NFIX: variants seen among roughly 807,000 people sequenced by gnomAD.
NFIX encodes the protein nuclear factor 1 X-type.
A neutral mutation model predicts 53.3 loss-of-function variants in NFIX; 2 were observed. That is an observed-to-expected ratio of 0.04 (90% confidence interval 0.02 to 0.12). The LOEUF is 0.12. Ranked by LOEUF, NFIX falls within the 10% of genes least tolerant of loss-of-function variation. The pLI, the probability that NFIX is intolerant of heterozygous loss-of-function variation, is 1.00. For synonymous variants in NFIX, 244 were observed against 289.0 expected (o/e 0.84, Z 1.58); for missense variants, 310 against 674.5 (o/e 0.46, Z 5.99).
intron 1 of NFIX, among the ~76,000 whole-genome samples, chr19:13,017,887 G>T (rs1222776874): frequency 6.6e-6 from 1 of 152,180 alleles, no homozygotes. Context: ...CCACCATGAA[G>T]TGACACTTCC....
chr19:13,007,174 C>T (rs148685733), intron 1 of NFIX, among the ~76,000 whole-genome samples: 1 of 152,124 alleles, frequency 6.6e-6, no homozygotes, highest in Non-Finnish European at 1.5e-5. Context: ...GGCATCTCTT[C>T]CCCCTCCCCC....
intron 2 of NFIX, among the ~76,000 whole-genome samples, chr19:13,041,271 C>T (rs1429999917): frequency 6.6e-6 from 1 of 152,140 alleles, no homozygotes; most frequent in Non-Finnish European, 1.5e-5. Flanking sequence ...TACGTACAGT[C>T]CCTCATCTGT....
Position 12,997,520 on chromosome 19 carries a change from C to T in NFIX, c.27+1656C>T, listed in dbSNP as rs142537716. On this transcript the variant is annotated intron_variant, in intron 1 of 10. Transcript: ENST00000592199. ...CCCCACATCTGCACCTCCAGTTCCA[C>T]GGCCACTCCATGTTGGGCGCCCCTC... Among the ~76,000 whole-genome samples the T allele has an allele frequency of 5.2e-3, 799 of 152,332 alleles. 10 individuals carry two copies. The highest frequency in any genetic ancestry group is 0.019 in the African/African-American group (773 of 41,578).
chr19:13,083,470 C>T (rs1355666450), intron 8 of NFIX, among the ~76,000 whole-genome samples: 1 of 152,146 alleles, frequency 6.6e-6, no homozygotes, highest in Non-Finnish European at 1.5e-5. Flanking sequence ...CATTCTGAGC[C>T]TCTGGTCCTG....
In NFIX at chr19:13,090,636, C is replaced by T. The variant is rs375966242; in HGVS notation, c.1494+246C>T. ...CTGACAGCCCTGGCCCTGGGGAAGGCGGCCAAGGACCCAAGTCTAGAGGCC... is the reference window on the plus strand; with the variant it reads ...CTGACAGCCCTGGCCCTGGGGAAGGTGGCCAAGGACCCAAGTCTAGAGGCC... On this transcript the variant is annotated intron_variant, in intron 10 of 10. Transcript: ENST00000592199. The surrounding 1 kb of genome is among the most constrained non-coding windows in gnomAD (Gnocchi z 6.6). Among the ~76,000 whole-genome samples, 1 of 152,210 alleles carries T rather than the reference C, an allele frequency of 6.6e-6. No homozygotes were observed. The highest frequency in any genetic ancestry group is 1.5e-5 in the Non-Finnish European group (1 of 68,030).
At position 12,995,909 on chromosome 19, in the gene NFIX, C is replaced by CGGGA. The variant is rs964358459; in HGVS notation, c.27+48_27+51dup. On this transcript the variant is annotated intron_variant, in intron 1 of 10. Transcript: ENST00000592199. ...CGCGACCGGGGGAGGGGAGCGGGCG[C>CGGGA]GGGAGGCCGGCCGGCGGCGCGGGCG... is the stretch of plus-strand genomic sequence containing the variant. The CGGGA allele has an allele frequency of 4.3e-6, 4 of 926,474 alleles. No homozygotes were observed. In the African/African-American group the frequency reaches 7.5e-5, roughly 17 times the overall value. The allele number at this position is 926,474 out of a possible 1,614,324, so 57.4% of individuals were successfully genotyped here.
chr19:13,004,478 C>G (rs2011904998), intron 1 of NFIX, among the ~76,000 whole-genome samples: 1 of 152,172 alleles, frequency 6.6e-6, no homozygotes, highest in Non-Finnish European at 1.5e-5. Flanking sequence ...ACGAGAGCCA[C>G]ACCCCCACAC....
chr19:13,012,493 G>C lies in NFIX; in HGVS notation c.28-12528G>C, dbSNP rs2012413768. 6.6e-6 allele frequency among the ~76,000 whole-genome samples: 1 copy of C among 151,970 alleles called. No individual in the cohort carries two copies. The highest frequency in any genetic ancestry group is 1.5e-5 in the Non-Finnish European group (1 of 67,974). Reference sequence around the variant, plus strand: ...GTGACCCCGCGCTGGTGGGCATGGAGGACTGTCCCAGTTCACCATTTGCTG... The same window carrying C: ...GTGACCCCGCGCTGGTGGGCATGGACGACTGTCCCAGTTCACCATTTGCTG... On this transcript the variant is annotated intron_variant, in intron 1 of 10. Transcript: ENST00000592199. The surrounding 1 kb of genome is among the most constrained non-coding windows in gnomAD (Gnocchi z 5.0).
chr19:13,053,097 T>C (rs1450424800), intron 2 of NFIX, among the ~76,000 whole-genome samples: 1 of 152,214 alleles, frequency 6.6e-6, no homozygotes, highest in Non-Finnish European at 1.5e-5. Flanking sequence ...GAGAAGGTGC[T>C]AAGCAGAATG....
rs1385117767 is a variant in NFIX at position 13,081,147 on chromosome 19, A to G, written c.1079-533A>G. Among the ~76,000 whole-genome samples, 1 of 151,706 alleles carries G rather than the reference A, an allele frequency of 6.6e-6. No individual in the cohort carries two copies. The highest frequency in any genetic ancestry group is 1.5e-5 in the Non-Finnish European group (1 of 67,920). ...AAATCTCATCTCTAGAAAAAAAAAA[A>G]AGCAAAAATCTACCAGGCCTGGTGG... On this transcript the variant is annotated intron_variant, in intron 7 of 10. Coordinates refer to ENST00000592199, the MANE Select transcript of NFIX (RefSeq NM_001365902.3). The surrounding 1 kb of genome is among the most constrained non-coding windows in gnomAD (Gnocchi z 4.7).
chr19:13,069,830 C>T (rs1599836311), intron 2 of NFIX: 1 of 152,266 alleles, frequency 6.6e-6, no homozygotes, highest in African/African-American at 2.4e-5. Context: ...ATTTGTTCAG[C>T]TGGTGGCTCT....
chr19:13,092,963 A>G (rs568052970), intron 10 of NFIX, among the ~76,000 whole-genome samples: 31 of 152,352 alleles, frequency 2.0e-4, no homozygotes, highest in African/African-American at 6.7e-4. Context: ...TCTTGTGCGT[A>G]CTGTCCAGCA....
In NFIX at chr19:13,094,628, G is replaced by A; in HGVS notation, c.1495-7G>A. On this transcript the variant is annotated splice_region_variant and splice_polypyrimidine_tract_variant and intron_variant, in intron 10 of 10. Coordinates refer to ENST00000592199, the MANE Select transcript of NFIX (RefSeq NM_001365902.3). The surrounding 1 kb of genome is among the most constrained non-coding windows in gnomAD (Gnocchi z 4.3). ...CTCAGTATCGCCTCTTTTTCATCCT[G>A]TTTCAGTCCTGGTTCCTCTGATAAG... 6.5e-7 allele frequency: 1 copy of A among 1,536,068 alleles called. No homozygotes were observed. The highest frequency in any genetic ancestry group is 8.7e-7 in the Non-Finnish European group (1 of 1,146,824).
chr19:13,059,777 CTTTTTTTTTT>C (rs35128120), intron 2 of NFIX, among the ~76,000 whole-genome samples: 1 of 60,336 alleles, frequency 1.7e-5, no homozygotes, highest in Non-Finnish European at 2.9e-5. Context: ...AATTAGAATT[CTTTTTTTTTT>C]TTTTTTTTTT....
chr19:13,092,384 A>G (rs552857080), intron 10 of NFIX, among the ~76,000 whole-genome samples: 1 of 152,240 alleles, frequency 6.6e-6, no homozygotes, highest in Admixed American at 6.5e-5. Flanking sequence ...GGTGCCGGGG[A>G]GCCCCCTTGG....
intron 1 of NFIX, among the ~76,000 whole-genome samples, chr19:13,015,985 T>C (rs1418165173): frequency 1.3e-5 from 2 of 152,224 alleles, no homozygotes; most frequent in Admixed American, 6.5e-5. Context: ...ATATAAATTA[T>C]GAGAACTGTA....
At chr19:13,048,152 G>T (rs569809702) in intron 2 of NFIX, among the ~76,000 whole-genome samples, 5 of 152,324 alleles carry the variant, frequency 3.3e-5, no homozygotes, top group African/African-American at 1.2e-4. Flanking sequence ...CCTGGGGCCT[G>T]TCCCCACCCT....
rs2018498894 is a variant in NFIX, at chr19:13,096,906, A to G, written c.*2257A>G. ...TGCTCCTTTCCCAAGTGGTGTTGTG[A>G]GGGGCAATGAGGGCAACAGGAGATG... On this transcript the variant is annotated 3_prime_UTR_variant, in exon 11 of 11. Coordinates refer to ENST00000592199, the MANE Select transcript of NFIX (RefSeq NM_001365902.3). 1 of 143,366 alleles carries G rather than the reference A, an allele frequency of 7.0e-6. No individual in the cohort carries two copies. The allele number at this position is 143,366 out of a possible 1,614,324, so 8.9% of individuals were successfully genotyped here.
chr19:13,075,698 G>A, intron 6 of NFIX, 27 bp downstream of exon 6: 1 of 1,606,872 alleles, frequency 6.2e-7, no homozygotes, highest in Non-Finnish European at 8.5e-7. Context: ...TCCTGACCCA[G>A]AGCAAGGGCA....
Sources: allele counts gnomAD v4.1 joint callset (sites outside exome capture counted in the v4.1 genomes callset), GRCh38; gene constraint gnomAD v4.1.1; non-coding constraint Gnocchi (gnomAD v3.1); transcripts MANE v1.5; gene names NCBI Gene and HGNC (gene_info 2026-07-23, HGNC 2026-07-21).